PRUNE2: variants seen among roughly 807,000 people sequenced by gnomAD.
PRUNE2 encodes protein prune homolog 2.
A neutral mutation model predicts 252.0 loss-of-function variants in PRUNE2; 164 were observed. That is an observed-to-expected ratio of 0.65 (90% CI 0.57 to 0.74). PRUNE2 has a LOEUF of 0.74. Among genes scored for constraint, PRUNE2 ranks in the 30% least tolerant of loss-of-function variants. The pLI, the probability that PRUNE2 is intolerant of heterozygous loss-of-function variation, is 0.00. For missense variants in PRUNE2, 3,495 were observed against 3,711.0 expected (o/e 0.94, Z 1.51); for synonymous variants, 1,292 against 1,350.2 (o/e 0.96, Z 0.94).
intron 14 of PRUNE2, 56 bp downstream of exon 14, chr9:76,637,362 T>C (rs530816454): frequency 1.5e-5 from 24 of 1,561,496 alleles, no homozygotes; most frequent in African/African-American, 1.2e-4. Context: ...CATGTGGTTG[T>C]TTAGTCTTCA....
chr9:76,694,876 G>T (rs1175649980), intron 9 of PRUNE2, among the ~76,000 whole-genome samples: 1 of 151,974 alleles, frequency 6.6e-6, no homozygotes, highest in African/African-American at 2.4e-5. Flanking sequence ...GTTATTCTCT[G>T]AGAGCCTAAT....
chr9:76,742,732 A>T (rs890627249), intron 6 of PRUNE2, among the ~76,000 whole-genome samples: 12 of 152,260 alleles, frequency 7.9e-5, no homozygotes, highest in African/African-American at 2.9e-4. Context: ...GTCAATGAAC[A>T]TATGAAAAAA....
At chr9:76,657,212 G>A (rs148384940) in intron 9 of PRUNE2, among the ~76,000 whole-genome samples, 21 of 152,316 alleles carry the variant, frequency 1.4e-4, no homozygotes, top group Non-Finnish European at 2.4e-4. Context: ...GCAAAATGCT[G>A]CTATTAAGAG....
chr9:76,711,076 C>T lies in PRUNE2; in HGVS notation c.1198G>A (p.Val400Met). ...TCTGGAGGGTTCTCTATGAAATTCA[C>T]AGAGCTGGGTTGTGGCTCTATGTCA... is the stretch of plus-strand genomic sequence containing the variant. ...GSDIEPQPSS[V>M]NFIENPPDLN... The change falls in exon 8 of 19, where the codon GTG (valine) becomes ATG (methionine). Residue 400 changes from valine to methionine, a missense_variant. By Grantham distance (21) the Val-to-Met change is conservative. Transcript: ENST00000376718. 1 of 1,614,016 alleles carries T rather than the reference C, an allele frequency of 6.2e-7. No individual in the cohort carries two copies.
chr9:76,670,744 C>G (rs1403387220), intron 9 of PRUNE2, among the ~76,000 whole-genome samples: 10 of 151,868 alleles, frequency 6.6e-5, no homozygotes, highest in African/African-American at 9.6e-5. Flanking sequence ...GTCCCTGACC[C>G]CTGACCCCCG....
chr9:76,895,970 T>A (rs2062797128), intron 1 of PRUNE2, among the ~76,000 whole-genome samples: 1 of 152,046 alleles, frequency 6.6e-6, no homozygotes, highest in African/African-American at 2.4e-5. Context: ...AGAGATGGGG[T>A]TTCACCATGT....
At chr9:76,717,543 T>C (rs1401137285) in intron 6 of PRUNE2, among the ~76,000 whole-genome samples, 5 of 152,196 alleles carry the variant, frequency 3.3e-5, no homozygotes, top group Admixed American at 6.5e-5. Context: ...ACAAATACTA[T>C]TTGTTAATCT....
At chr9:76,631,686 C>T (rs1182302982) in intron 15 of PRUNE2, among the ~76,000 whole-genome samples, 1 of 152,202 alleles carries the variant, frequency 6.6e-6, no homozygotes, top group African/African-American at 2.4e-5. Context: ...TTTCCCCCAG[C>T]TTTTATTCAG....
At chr9:76,741,456 G>C (rs1312097857) in intron 6 of PRUNE2, among the ~76,000 whole-genome samples, 3 of 152,216 alleles carry the variant, frequency 2.0e-5, no homozygotes, top group Non-Finnish European at 4.4e-5. Context: ...AGTCAGGCTG[G>C]TGGGACCAGG....
At chr9:76,844,303 A>G (rs56399633) in intron 4 of PRUNE2, among the ~76,000 whole-genome samples, 12,880 of 152,058 alleles carry the variant, frequency 0.085, 693 homozygotes, top group East Asian at 0.15. Context: ...CCCTCCCTGT[A>G]GTAATGAGTT....
chr9:76,630,242 AGTTT>A (rs1258244567), intron 15 of PRUNE2, among the ~76,000 whole-genome samples: 3 of 144,460 alleles, frequency 2.1e-5, no homozygotes, highest in Non-Finnish European at 3.1e-5. Flanking sequence ...TTTTTTTTTT[AGTTT>A]ATTTTAAAAA....
At chr9:76,757,266 C>T (rs2051241192) in intron 6 of PRUNE2, among the ~76,000 whole-genome samples, 1 of 152,138 alleles carries the variant, frequency 6.6e-6, no homozygotes, top group African/African-American at 2.4e-5. Context: ...GACCTACTCC[C>T]ACCTCATTCA....
In PRUNE2 at chr9:76,707,676, C is replaced by T; in HGVS notation, c.4598G>A (p.Arg1533Lys). The part of the protein sequence containing the change: ...PGAGSSGNFD[R>K]DTISSEYTHS... ...AGTATACTCACTAGAAATAGTATCTCTGTCAAAATTTCCAGACGAACCGGC... is the reference window on the plus strand; with the variant it reads ...AGTATACTCACTAGAAATAGTATCTTTGTCAAAATTTCCAGACGAACCGGC... The change falls in exon 8 of 19, where the codon AGA (arginine) becomes AAA (lysine). Residue 1533 changes from arginine (R) to lysine (K), a missense_variant. Physicochemically the swap from Arg to Lys is conservative, Grantham distance 26. Transcript: ENST00000376718. 6.2e-7 allele frequency: 1 copy of T among 1,613,900 alleles called. No homozygotes were observed. Among genetic ancestry groups the T allele is most frequent in the Non-Finnish European group, 8.5e-7 (1 of 1,179,846 alleles).
Position 76,611,583 on chromosome 9 carries a change from T to C in PRUNE2, c.*2987A>G, listed in dbSNP as rs568950402. ...TAATTTGTGCACATCTAAATGTTTC[T>C]AAGGGAACAAACTACTGAGGCATTG... On this transcript the variant is annotated 3_prime_UTR_variant, in exon 19 of 19. Coordinates refer to ENST00000376718, the MANE Select transcript of PRUNE2 (RefSeq NM_015225.3). 1 of 152,674 alleles carries C rather than the reference T, an allele frequency of 6.5e-6. No homozygotes were observed. Among genetic ancestry groups the C allele is most frequent in the African/African-American group, 2.4e-5 (1 of 41,574 alleles). The allele number at this position is 152,674 out of a possible 1,614,324, so 9.5% of individuals were successfully genotyped here. A position where few individuals can be genotyped will look rare whatever the true frequency, so the allele number is the denominator to read the frequency against.
intron 6 of PRUNE2, among the ~76,000 whole-genome samples, chr9:76,803,765 G>A (rs1589308611): frequency 1.3e-5 from 2 of 152,152 alleles, no homozygotes; most frequent in South Asian, 2.1e-4. Flanking sequence ...AAGGAAGCAA[G>A]ATGAGGTAAG....
At chr9:76,718,857 C>A (rs978591441) in intron 6 of PRUNE2, among the ~76,000 whole-genome samples, 9 of 152,190 alleles carry the variant, frequency 5.9e-5, no homozygotes, top group Non-Finnish European at 1.3e-4. Flanking sequence ...AATGGCACCA[C>A]CGTCTACCCA....
chr9:76,726,469 C>T (rs12346990), intron 6 of PRUNE2, among the ~76,000 whole-genome samples: 1,721 of 152,280 alleles, frequency 0.011, 31 homozygotes, highest in African/African-American at 0.039. Context: ...TTAGTTCCAA[C>T]CAACCAAGCC....
At chr9:76,810,612 T>C (rs1047052827) in intron 6 of PRUNE2, among the ~76,000 whole-genome samples, 6 of 152,236 alleles carry the variant, frequency 3.9e-5, no homozygotes, top group African/African-American at 1.4e-4. Context: ...TTAGCAATCA[T>C]GTCAATTAAG....
chr9:76,801,294 C>T (rs1306343035), intron 6 of PRUNE2, among the ~76,000 whole-genome samples: 1 of 152,052 alleles, frequency 6.6e-6, no homozygotes, highest in African/African-American at 2.4e-5. Flanking sequence ...AACTGATTAG[C>T]AGTAAAGAAT....
Sources: gnomAD v4.1 joint callset for allele counts (sites outside exome capture counted in the v4.1 genomes callset) on GRCh38, gnomAD v4.1.1 for gene constraint, MANE v1.5 for transcripts, NCBI Gene and HGNC (gene_info 2026-07-23, HGNC 2026-07-21) for gene names.